Variants in MROH9 observed in about 807,000 individuals in gnomAD.
The protein encoded by MROH9 is maestro heat like repeat family member 9, also known as maestro heat-like repeat-containing protein family member 9.
A neutral mutation model predicts 98.2 loss-of-function variants in MROH9; 92 were observed. That is an observed-to-expected ratio of 0.94 (90% CI 0.79 to 1.11). MROH9 has a LOEUF of 1.11. MROH9 is among the 50% of genes most tolerant of loss of function. The pLI is 0.00. For missense variants in MROH9, 1,057 were observed against 1,014.8 expected, an observed-to-expected ratio of 1.04 and a Z score of -0.57; for synonymous variants, 397 against 368.9, an observed-to-expected ratio of 1.08 and a Z score of -0.87.
chr1:170,954,263 T>G (rs998667496), intron 3 of MROH9, among the ~76,000 whole-genome samples: 1 of 152,128 alleles, frequency 6.6e-6, no homozygotes, highest in Non-Finnish European at 1.5e-5. Flanking sequence ...CTCTTCATGT[T>G]TTCTCCATTA....
At chr1:171,033,183 C>A (rs1446117528) in intron 20 of MROH9, among the ~76,000 whole-genome samples, 1 of 152,256 alleles carries the variant, frequency 6.6e-6, no homozygotes, top group Non-Finnish European at 1.5e-5. Flanking sequence ...CCTTCCCCTG[C>A]CCAGGGAGCT....
rs1651577130 is a variant in MROH9 at position 170,996,565 on chromosome 1, A to G, written c.1396A>G (p.Ile466Val). The change falls in exon 14 of 22, where the codon ATT becomes GTT. Residue 466 changes from isoleucine to valine, a missense_variant. By Grantham distance (29) the Ile-to-Val change is conservative. Transcript: ENST00000367759. ...TTGTTCTGGACTGCAACAGGTGGAT[A>G]TTACTCTAATGAAGGAGAATTTCTG... ...LNCSGLQQVD[I>V]TLMKENFWDQ... 1 of 1,613,612 alleles carries G rather than the reference A, an allele frequency of 6.2e-7. No homozygotes were observed. Among genetic ancestry groups the G allele is most frequent in the Non-Finnish European group, 8.5e-7 (1 of 1,179,678 alleles).
intron 20 of MROH9, among the ~76,000 whole-genome samples, chr1:171,061,336 G>C (rs1654009160): frequency 6.6e-6 from 1 of 152,000 alleles, no homozygotes; most frequent in African/African-American, 2.4e-5. Flanking sequence ...TGGAACATAA[G>C]CATACCCGGT....
Position 170,965,196 on chromosome 1 carries a change from A to G in MROH9, c.421A>G (p.Arg141Gly), listed in dbSNP as rs1463857381. 1.9e-6 allele frequency: 3 copies of G among 1,611,884 alleles called. No homozygotes were observed. The African/African-American group carries it at 4.0e-5, about 22-fold the overall frequency. Residue 141 changes from arginine to glycine, a missense_variant, in exon 7 of 22, where the codon AGA (arginine) becomes GGA (glycine). Transcript: ENST00000367759. The part of the protein sequence containing the change: ...MSKDSSYLQE[R>G]IMVIINKVLR... ...TAAAGATAGCTCATATCTGCAAGAG[A>G]GAATAATGGTGATCATCAACAAGGT...
intron 12 of MROH9, among the ~76,000 whole-genome samples, chr1:170,993,605 A>G (rs1007926443): frequency 2.6e-5 from 4 of 152,188 alleles, no homozygotes; most frequent in African/African-American, 9.7e-5. Flanking sequence ...GGAAAATTTA[A>G]CAGGGAGTGC....
At chr1:170,973,096 C>A (rs1395572929) in intron 8 of MROH9, among the ~76,000 whole-genome samples, 1 of 151,176 alleles carries the variant, frequency 6.6e-6, no homozygotes, top group Non-Finnish European at 1.5e-5. Context: ...GAACGGAGTA[C>A]ATGAGTGCAT....
intron 10 of MROH9, 41 bp from the exon 11 acceptor site, chr1:170,989,814 G>C: frequency 6.4e-7 from 1 of 1,564,148 alleles, no homozygotes; most frequent in Non-Finnish European, 8.7e-7. Flanking sequence ...GGTGACCATG[G>C]AACAGGAGAT....
intron 20 of MROH9, among the ~76,000 whole-genome samples, chr1:171,056,341 C>T (rs560767626): frequency 2.0e-5 from 3 of 152,174 alleles, no homozygotes; most frequent in Non-Finnish European, 4.4e-5. Flanking sequence ...CAAAAGGTGT[C>T]CCCAACAGCC....
intron 20 of MROH9, among the ~76,000 whole-genome samples, chr1:171,045,726 A>G (rs1218106275): frequency 6.6e-6 from 1 of 152,188 alleles, no homozygotes; most frequent in African/African-American, 2.4e-5. Flanking sequence ...GTCTATCTGT[A>G]AAAAATAATC....
intron 20 of MROH9, among the ~76,000 whole-genome samples, chr1:171,052,566 A>G (rs1653704938): frequency 6.6e-6 from 1 of 152,116 alleles, no homozygotes; most frequent in Non-Finnish European, 1.5e-5. Context: ...CAAGTTCTCT[A>G]CTCAGAAAGG....
chr1:170,945,836 T>C (rs56080155), intron 2 of MROH9, among the ~76,000 whole-genome samples: 1,523 of 152,124 alleles, frequency 0.01, 15 homozygotes, highest in Middle Eastern at 0.031. Flanking sequence ...TAGAAACTAG[T>C]GATGAATTCA....
chr1:171,012,406 G>A (rs1003324101), intron 15 of MROH9, among the ~76,000 whole-genome samples: 4 of 151,308 alleles, frequency 2.6e-5, no homozygotes, highest in Non-Finnish European at 4.4e-5. Flanking sequence ...TCTCACTCTC[G>A]CTCTCTTGCT....
chr1:170,997,553 G>A (rs1397103176), intron 14 of MROH9, among the ~76,000 whole-genome samples: 5 of 152,146 alleles, frequency 3.3e-5, no homozygotes, highest in African/African-American at 1.2e-4. Context: ...AGAAGCACTG[G>A]TTTGGAAGAC....
intron 7 of MROH9, among the ~76,000 whole-genome samples, chr1:170,971,375 A>G (rs1650450387): frequency 6.6e-6 from 1 of 152,218 alleles, no homozygotes; most frequent in African/African-American, 2.4e-5. Flanking sequence ...GGTTTTGGAA[A>G]TACACAGCCC....
chr1:171,025,430 A>G lies in MROH9; in HGVS notation c.2281+10A>G. 6.7e-7 allele frequency: 1 copy of G among 1,482,744 alleles called. No individual in the cohort carries two copies. Among genetic ancestry groups the G allele is most frequent in the Non-Finnish European group, 9.2e-7 (1 of 1,085,992 alleles). 91.8% of individuals were successfully genotyped at this position (1,482,744 alleles called of 1,614,324 possible). ...TCGGTTATTTTGATAGGTAAATATA[A>G]TTCAGTTCTCAATTCCTAACTTGTC... On this transcript the variant is annotated intron_variant, in intron 20 of 21. Transcript: ENST00000367759.
In MROH9 at chr1:171,031,525, C is replaced by T. The variant is rs529003060; in HGVS notation, c.2281+6105C>T. Among the ~76,000 whole-genome samples the T allele has an allele frequency of 4.9e-4, 74 of 152,216 alleles. 1 individual carries two copies. Among genetic ancestry groups the T allele is most frequent in the Admixed American group, 2.7e-3 (42 of 15,282 alleles). On this transcript the variant is annotated intron_variant, in intron 20 of 21. Transcript: ENST00000367759. Reference sequence around the variant, plus strand: ...TTGTCTTGAAATGATTTTATTTCTCCTTTGCTTATGAAGCTTAATTTGGCT... The same window carrying T: ...TTGTCTTGAAATGATTTTATTTCTCTTTTGCTTATGAAGCTTAATTTGGCT...
intron 9 of MROH9, among the ~76,000 whole-genome samples, chr1:170,984,360 A>G (rs1557884817): frequency 6.6e-6 from 1 of 152,206 alleles, no homozygotes; most frequent in African/African-American, 2.4e-5. Context: ...CTAACATGGT[A>G]TGGTCAAAAA....
Position 170,986,724 on chromosome 1 carries a change from C to G in MROH9, c.879+14C>G. 6.2e-7 allele frequency: 1 copy of G among 1,611,820 alleles called. No homozygotes were observed. The highest frequency in any genetic ancestry group is 8.5e-7 in the Non-Finnish European group (1 of 1,178,806). ...AAGGTCACCATGGTAAGATACTTGA[C>G]AATAAGCAGGAGAGCACAGGGTTTA... On this transcript the variant is annotated intron_variant, in intron 10 of 21. Coordinates refer to ENST00000367759, the MANE Select transcript of MROH9 (RefSeq NM_001163629.2).
chr1:170,980,126 TAGAA>T (rs1650873376), intron 8 of MROH9, among the ~76,000 whole-genome samples: 1 of 152,136 alleles, frequency 6.6e-6, no homozygotes, highest in African/African-American at 2.4e-5. Context: ...TCCTCATGGA[TAGAA>T]AGAATCAATA....
Sources: gnomAD v4.1 joint callset for allele counts (sites outside exome capture counted in the v4.1 genomes callset) on GRCh38, gnomAD v4.1.1 for gene constraint, MANE v1.5 for transcripts, NCBI Gene and HGNC (gene_info 2026-07-23, HGNC 2026-07-21) for gene names.